The following ATF2 variants were observed in gnomAD, a reference collection of about 807,000 sequenced individuals.
ATF2 encodes cyclic AMP-dependent transcription factor ATF-2.
Under a neutral mutation model 60.6 loss-of-function variants are expected in ATF2, and 24 were observed. The ratio of observed to expected loss-of-function variants is 0.40; its 90% confidence interval spans 0.29 to 0.56. The LOEUF (loss-of-function observed/expected upper bound fraction) is 0.56. ATF2 is among the 20% of genes least tolerant of loss of function. ATF2 has a pLI of 0.54. For missense variants in ATF2, 433 were observed against 607.7 expected, an observed-to-expected ratio of 0.71 and a Z score of 3.02; for synonymous variants, 206 against 215.4, an observed-to-expected ratio of 0.96 and a Z score of 0.38.
In ATF2 at chr2:175,089,408, T is replaced by A. The variant is rs572982706; in HGVS notation, c.1185+3653A>T. On this transcript the variant is annotated intron_variant, in intron 12 of 13. Coordinates refer to ENST00000264110, the MANE Select transcript of ATF2 (RefSeq NM_001880.4). Reference sequence around the variant, plus strand: ...ATACCTCAACACTTGTTAAACCTTGTATTACATATAAAATATATAAGTAAA... The same window carrying A: ...ATACCTCAACACTTGTTAAACCTTGAATTACATATAAAATATATAAGTAAA... 5.3e-5 allele frequency among the ~76,000 whole-genome samples: 8 copies of A among 152,334 alleles called. No homozygotes were observed. In the South Asian group the frequency reaches 1.7e-3, roughly 32 times the overall value.
chr2:175,140,856 G>T (rs1698457664), intron 2 of ATF2, among the ~76,000 whole-genome samples: 1 of 148,904 alleles, frequency 6.7e-6, no homozygotes, highest in Non-Finnish European at 1.5e-5. Flanking sequence ...AATTAGCCAG[G>T]CATGGTGGTA....
At chr2:175,101,428 A>G (rs183588547) in intron 10 of ATF2, among the ~76,000 whole-genome samples, 29 of 152,334 alleles carry the variant, frequency 1.9e-4, no homozygotes, top group African/African-American at 6.7e-4. Flanking sequence ...GTCTATAGTG[A>G]TAAATTGGGG....
In ATF2 at chr2:175,093,193, A is replaced by G. The variant is rs2105589876; in HGVS notation, c.1053T>C (p.Pro351=). The G allele has an allele frequency of 6.2e-7, 1 of 1,614,080 alleles. No individual in the cohort carries two copies. The highest frequency in any genetic ancestry group is 8.5e-7 in the Non-Finnish European group (1 of 1,180,006). ...CTAAAAACTTTCTCCTTTTTTCATC[A>G]GGATCTTCGTTAGCTGCTCTTCTCC... The part of the protein sequence containing the change: ...GRRRRAANED[P]DEKRRKFLER... The change falls in exon 12 of 14, where the codon CCT becomes CCC. Residue 351 remains proline (P), a synonymous_variant. Transcript: ENST00000264110.
chr2:175,118,351 G>T lies in ATF2; in HGVS notation c.218C>A (p.Thr73Lys). 1 of 1,610,250 alleles carries T rather than the reference G, an allele frequency of 6.2e-7. No homozygotes were observed. Among genetic ancestry groups the T allele is most frequent in the Non-Finnish European group, 8.5e-7 (1 of 1,178,086 alleles). ...TTCTTCACAGTTTTTCAAGAATCTT[G>T]TTGGTGTTGGGGTCTGATCTGAAAT... The part of the protein sequence containing the change: ...VIVADQTPTP[T>K]RFLKNCEEVG... Residue 73 changes from threonine to lysine, a missense_variant, in exon 6 of 14, where the codon ACA becomes AAA. Around this residue, in one of 5 missense-constraint regions of ATF2, gnomAD observed 29 missense variants for 102.1 expected, o/e 0.28. Transcript: ENST00000264110.
chr2:175,113,469 T>C (rs1459187254), intron 9 of ATF2, among the ~76,000 whole-genome samples: 1 of 152,104 alleles, frequency 6.6e-6, no homozygotes, highest in African/African-American at 2.4e-5. Context: ...TGTCTACGTC[T>C]TTCAAAATTT....
chr2:175,112,857 T>C (rs1696293348), intron 9 of ATF2, among the ~76,000 whole-genome samples: 1 of 152,220 alleles, frequency 6.6e-6, no homozygotes, highest in Admixed American at 6.5e-5. Context: ...AGTGCTGGGA[T>C]TACAGGCATG....
At chr2:175,158,219 T>C (rs546713009) in intron 1 of ATF2, among the ~76,000 whole-genome samples, 4 of 151,446 alleles carry the variant, frequency 2.6e-5, no homozygotes, top group African/African-American at 9.7e-5. Context: ...AAGACTAAAG[T>C]ATTTTGAATT....
intron 10 of ATF2, among the ~76,000 whole-genome samples, chr2:175,110,572 AAC>A (rs1388710931): frequency 6.6e-6 from 1 of 152,192 alleles, no homozygotes; most frequent in African/African-American, 2.4e-5. Context: ...ATTGTATTAT[AAC>A]ACAGCAAGGA....
intron 1 of ATF2, among the ~76,000 whole-genome samples, chr2:175,166,812 A>G (rs1340493335): frequency 1.3e-5 from 2 of 152,228 alleles, no homozygotes; most frequent in East Asian, 1.9e-4. Context: ...TTTTAAATGT[A>G]TATCTTAAAT....
At chr2:175,092,545 G>C in intron 12 of ATF2, 1 of 431,794 alleles carries the variant, frequency 2.3e-6, no homozygotes, top group Non-Finnish European at 4.7e-6. Flanking sequence ...TATTGTACCT[G>C]GTCTGTGGAT....
intron 2 of ATF2, among the ~76,000 whole-genome samples, chr2:175,142,720 A>AGAGAGAGTGT (rs1491359659): frequency 1.4e-5 from 1 of 71,098 alleles, no homozygotes; most frequent in African/African-American, 4.7e-5. Context: ...AGAGAGAGAG[A>AGAGAGAGTGT]GTGTGTGTGT....
At chr2:175,086,392 G>C (rs945994408) in intron 12 of ATF2, among the ~76,000 whole-genome samples, 9 of 152,128 alleles carry the variant, frequency 5.9e-5, no homozygotes, top group African/African-American at 2.2e-4. Flanking sequence ...ATGAGGGTGG[G>C]CCAAACCTTT....
rs867383019 is a variant in ATF2 at position 175,137,546 on chromosome 2, C to T, written c.-43-1060G>A. Among the ~76,000 whole-genome samples, 5 of 152,042 alleles carry T rather than the reference C, an allele frequency of 3.3e-5. No homozygotes were observed. The South Asian group carries it at 1.0e-3, about 32-fold the overall frequency. ...CAGACACAAAGATGAAGAAAACTCT[C>T]CTTGCATTTGAGAAACTTTCAGTCT... On this transcript the variant is annotated intron_variant, in intron 2 of 13. Coordinates refer to ENST00000264110, the MANE Select transcript of ATF2 (RefSeq NM_001880.4).
intron 1 of ATF2, chr2:175,167,499 C>A: frequency 2.4e-6 from 1 of 413,286 alleles, no homozygotes; most frequent in Non-Finnish European, 5.2e-6. Context: ...TGCACCGCAG[C>A]CAGGGACCCT....
At chr2:175,092,481 T>C (rs1694618229) in intron 12 of ATF2, 2 of 227,804 alleles carry the variant, frequency 8.8e-6, no homozygotes, top group Non-Finnish European at 1.9e-5. Flanking sequence ...TTAAGAAATG[T>C]ATCTGAGGCA....
chr2:175,155,238 C>T (rs1699598952), intron 1 of ATF2, among the ~76,000 whole-genome samples: 1 of 152,142 alleles, frequency 6.6e-6, no homozygotes, highest in Non-Finnish European at 1.5e-5. Context: ...AAATCCATAC[C>T]TATCCCCATC....
At chr2:175,140,992 A>T (rs1238602298) in intron 2 of ATF2, among the ~76,000 whole-genome samples, 1 of 88,560 alleles carries the variant, frequency 1.1e-5, no homozygotes, top group Non-Finnish European at 2.1e-5. Flanking sequence ...GCAAGACCCT[A>T]TCTCAGGAAA....
At chr2:175,094,411 A>C (rs1324457156) in intron 11 of ATF2, among the ~76,000 whole-genome samples, 1 of 116,972 alleles carries the variant, frequency 8.5e-6, no homozygotes, top group Non-Finnish European at 1.8e-5. Flanking sequence ...ACGAAAAAAA[A>C]AAAAAAAAAA....
At chr2:175,149,757 A>T (rs1699186523) in intron 2 of ATF2, among the ~76,000 whole-genome samples, 1 of 152,150 alleles carries the variant, frequency 6.6e-6, no homozygotes, top group Non-Finnish European at 1.5e-5. Flanking sequence ...AACCAGTCTT[A>T]GGCTTCCCCT....
Sources: gnomAD v4.1 joint callset for allele counts (sites outside exome capture counted in the v4.1 genomes callset) on GRCh38, gnomAD v4.1.1 for gene constraint, gnomAD v4.1.1 regional missense constraint, MANE v1.5 for transcripts, NCBI Gene and HGNC (gene_info 2026-07-23, HGNC 2026-07-21) for gene names.